Variants in TNS3 observed in about 807,000 individuals in gnomAD.
TNS3 encodes tensin 3, also known as tensin-3.
A neutral mutation model predicts 140.9 loss-of-function variants in TNS3; 45 were observed. The observed-to-expected ratio is 0.32, with a 90% confidence interval of 0.25 to 0.41. The LOEUF (loss-of-function observed/expected upper bound fraction) is 0.41, where lower values mean the gene tolerates loss of function less well. Ranked by LOEUF, TNS3 falls within the 10% of genes least tolerant of loss-of-function variation. TNS3 has a pLI of 1.00. For missense variants in TNS3, 1,716 were observed against 1,906.7 expected, an observed-to-expected ratio of 0.90 and a Z score of 1.86; for synonymous variants, 815 against 788.4, an observed-to-expected ratio of 1.03 and a Z score of -0.56.
At chr7:47,312,208 C>A (rs184587372) in intron 20 of TNS3, among the ~76,000 whole-genome samples, 1 of 152,118 alleles carries the variant, frequency 6.6e-6, no homozygotes, top group African/African-American at 2.4e-5. Flanking sequence ...TGTGACTGAC[C>A]GCCCCTCCTC....
At chr7:47,414,788 T>C (rs1171878215) in intron 11 of TNS3, among the ~76,000 whole-genome samples, 1 of 152,232 alleles carries the variant, frequency 6.6e-6, no homozygotes, top group Non-Finnish European at 1.5e-5. Context: ...ACTGCACAGC[T>C]GACCCACTAG....
chr7:47,346,502 G>C (rs1273915297), intron 17 of TNS3, 146 bp from the exon 18 acceptor site: 2 of 993,316 alleles, frequency 2.0e-6, no homozygotes, highest in Admixed American at 2.7e-5. Context: ...TGTGGTTGCT[G>C]AAGGCAGCTG....
intron 1 of TNS3, among the ~76,000 whole-genome samples, chr7:47,552,657 C>T (rs1800095719): frequency 6.6e-6 from 1 of 152,174 alleles, no homozygotes; most frequent in Non-Finnish European, 1.5e-5. Context: ...AATGGATAAA[C>T]GTTCTGTGTG....
chr7:47,319,401 GATAGAGAGAGAGAC>G (rs1291086479), intron 20 of TNS3, among the ~76,000 whole-genome samples: 1 of 152,000 alleles, frequency 6.6e-6, no homozygotes, highest in East Asian at 1.9e-4. Flanking sequence ...GTGAGAGAGT[GATAGAGAGAGAGAC>G]AGAGAGAGAG....
At chr7:47,424,237 T>G in intron 9 of TNS3, 53 bp from the exon 10 acceptor site, 1 of 1,590,274 alleles carries the variant, frequency 6.3e-7, no homozygotes, top group South Asian at 1.1e-5. Flanking sequence ...CCACACCACG[T>G]GGGTACTTGA....
chr7:47,468,639 A>G (rs746053147), intron 4 of TNS3, among the ~76,000 whole-genome samples: 1 of 152,204 alleles, frequency 6.6e-6, no homozygotes, highest in Non-Finnish European at 1.5e-5. Flanking sequence ...AGAAGAATCA[A>G]TATCATTAAA....
At chr7:47,460,800 G>C (rs1033770726) in intron 4 of TNS3, among the ~76,000 whole-genome samples, 1 of 152,174 alleles carries the variant, frequency 6.6e-6, no homozygotes, top group African/African-American at 2.4e-5. Context: ...CAATTTGATG[G>C]GCATGCCAAA....
chr7:47,340,577 T>C (rs966396067), intron 20 of TNS3, among the ~76,000 whole-genome samples: 4 of 73,146 alleles, frequency 5.5e-5, no homozygotes, highest in Non-Finnish European at 1.4e-4. Context: ...TGGGATTTTC[T>C]TTTTTTTCTT....
chr7:47,448,457 C>G (rs1213046719), intron 4 of TNS3, among the ~76,000 whole-genome samples: 1 of 150,762 alleles, frequency 6.6e-6, no homozygotes. Flanking sequence ...AATGAGAGCC[C>G]AACTCTGGTG....
intron 3 of TNS3, among the ~76,000 whole-genome samples, chr7:47,502,840 G>T (rs1449467798): frequency 6.6e-6 from 1 of 152,184 alleles, no homozygotes; most frequent in East Asian, 1.9e-4. Context: ...TACAGACTCA[G>T]CAAGGAGGCA....
At chr7:47,454,095 T>C (rs770599925) in intron 4 of TNS3, among the ~76,000 whole-genome samples, 66 of 152,350 alleles carry the variant, frequency 4.3e-4, no homozygotes, top group Middle Eastern at 3.4e-3. Flanking sequence ...GAGGGCCTCA[T>C]TGGGCCCCCA....
chr7:47,416,220 G>A (rs190730203), intron 10 of TNS3, among the ~76,000 whole-genome samples: 9 of 152,344 alleles, frequency 5.9e-5, no homozygotes, highest in Admixed American at 3.9e-4. Flanking sequence ...CTACTGCCAT[G>A]GCAGACTGAG....
Position 47,340,045 on chromosome 7 carries a change from ATATGTGTG to A in TNS3, c.2650+4702_2650+4709del, listed in dbSNP as rs1202066861. On this transcript the variant is annotated intron_variant, in intron 20 of 30. Transcript: ENST00000311160. ...CATAAATATATGTATACATATGTGT[ATATGTGTG>A]TATATATATACATACGAATATATGT... Among the ~76,000 whole-genome samples the A allele has an allele frequency of 1.3e-4, 17 of 133,082 alleles. No homozygotes were observed. The South Asian group carries it at 1.5e-3, about 12-fold the overall frequency. The allele number at this position is 133,082 out of a possible 152,430, so 87.3% of individuals were successfully genotyped here.
rs1308888967 is a variant in TNS3, at chr7:47,546,877, C to T, written c.-264-17730G>A. ...ACCCGCCTGGTAAGACACGGCTGTG[C>T]TCAACAGGCGCTGCGGATGGAATGA... On this transcript the variant is annotated intron_variant, in intron 1 of 30. Coordinates refer to ENST00000311160, the MANE Select transcript of TNS3 (RefSeq NM_022748.12). 2.6e-5 allele frequency among the ~76,000 whole-genome samples: 4 copies of T among 152,340 alleles called. No individual in the cohort carries two copies. In the East Asian group the frequency reaches 5.8e-4, roughly 22 times the overall value.
chr7:47,476,971 G>A (rs1022391673), intron 4 of TNS3, among the ~76,000 whole-genome samples: 3 of 152,172 alleles, frequency 2.0e-5, no homozygotes, highest in Non-Finnish European at 4.4e-5. Flanking sequence ...ATATGAAAAC[G>A]AACATCACAG....
chr7:47,535,243 T>C (rs1273611198), intron 1 of TNS3, among the ~76,000 whole-genome samples: 5 of 152,336 alleles, frequency 3.3e-5, no homozygotes, highest in Middle Eastern at 6.8e-3. Context: ...AAAGATACTG[T>C]GACCTTTCAT....
rs887470670 is a variant in TNS3 at position 47,540,130 on chromosome 7, C to T, written c.-264-10983G>A. Among the ~76,000 whole-genome samples the T allele has an allele frequency of 5.3e-5, 8 of 152,326 alleles. No individual in the cohort carries two copies. The East Asian group carries it at 1.4e-3, about 26-fold the overall frequency. On this transcript the variant is annotated intron_variant, in intron 1 of 30. Transcript: ENST00000311160. ...TTTTTACTCGCCAGGTTGTCTCACC[C>T]TAGCTTCTGACTGCACTTGGTTCCC...
intron 18 of TNS3, 71 bp downstream of exon 18, chr7:47,346,116 T>A (rs1789323355): frequency 1.3e-6 from 2 of 1,573,842 alleles, no homozygotes; most frequent in Non-Finnish European, 1.7e-6. Context: ...CATTGCCCAT[T>A]CACTCGGGGT....
At chr7:47,371,997 C>G (rs1791100545) in intron 16 of TNS3, among the ~76,000 whole-genome samples, 1 of 152,238 alleles carries the variant, frequency 6.6e-6, no homozygotes, top group Admixed American at 6.5e-5. Context: ...TTTATAGGCC[C>G]TGAGTAAACA....
Sources: allele counts gnomAD v4.1 joint callset (sites outside exome capture counted in the v4.1 genomes callset), GRCh38; gene constraint gnomAD v4.1.1; transcripts MANE v1.5; gene names NCBI Gene and HGNC (gene_info 2026-07-23, HGNC 2026-07-21).